The following APOBEC3D variants were observed in gnomAD, a reference collection of about 807,000 sequenced individuals.
APOBEC3D encodes the protein apolipoprotein B mRNA editing enzyme catalytic subunit 3D, also known as DNA dC->dU-editing enzyme APOBEC-3D.
APOBEC3D carries 37 observed loss-of-function variants against 45.6 expected under a neutral mutation model. That is an observed-to-expected ratio of 0.81 (90% CI 0.62 to 1.07). The LOEUF is 1.07. Ranked by LOEUF, APOBEC3D falls within the 50% of genes least tolerant of loss-of-function variation. The pLI, the probability that APOBEC3D is intolerant of heterozygous loss-of-function variation, is 0.00. For missense variants in APOBEC3D, 496 were observed against 495.3 expected, an observed-to-expected ratio of 1.00 and a Z score of -0.01; for synonymous variants, 175 against 180.7, an observed-to-expected ratio of 0.97 and a Z score of 0.25.
rs775781265 is a variant in APOBEC3D, at chr22:39,025,060, C to T, written c.211-10C>T. ...TCCCAGAGCTTCCCCTGCCCCTGCT[C>T]CTCTCCCAGGTGTATTTCCGGTTTG... On this transcript the variant is annotated splice_polypyrimidine_tract_variant and intron_variant, in intron 2 of 6. Transcript: ENST00000216099. 1.1e-5 allele frequency: 17 copies of T among 1,531,520 alleles called. No individual in the cohort carries two copies. The East Asian group carries it at 3.8e-4, about 35-fold the overall frequency. The allele number at this position is 1,531,520 out of a possible 1,614,324, so 94.9% of individuals were successfully genotyped here.
Position 39,022,948 on chromosome 22 carries a change from C to G in APOBEC3D, c.144C>G (p.Leu48=). ...AAATAAAGAGGGGCCGCTCAAATCT[C>G]CTTTGGGACACAGGGGTCTTTCGAG... ...EVKIKRGRSN[L]LWDTGVFRGP... Residue 48 remains leucine (L), a synonymous_variant, in exon 2 of 7, where the codon CTC becomes CTG. Transcript: ENST00000216099. 6.2e-7 allele frequency: 1 copy of G among 1,613,934 alleles called. No homozygotes were observed.
intron 2 of APOBEC3D, among the ~76,000 whole-genome samples, chr22:39,023,273 GC>G (rs1425534519): frequency 6.6e-6 from 1 of 151,662 alleles, no homozygotes; most frequent in Non-Finnish European, 1.5e-5. Context: ...GTGCTACCAC[GC>G]CCGGCTAATT....
In APOBEC3D at chr22:39,025,244, A is replaced by T; in HGVS notation, c.385A>T (p.Thr129Ser). Residue 129 changes from threonine (T) to serine (S), a missense_variant, in exon 3 of 7, where the codon ACC (threonine) becomes TCC (serine). Coordinates refer to ENST00000216099, the MANE Select transcript of APOBEC3D (RefSeq NM_152426.4). ...FLAEHPNVTL[T>S]ISAARLYYYR... ...GGCTGAGCACCCCAATGTCACCCTG[A>T]CCATCTCTGCCGCCCGCCTCTACTA... The T allele has an allele frequency of 6.2e-7, 1 of 1,613,942 alleles. No homozygotes were observed. The highest frequency in any genetic ancestry group is 8.5e-7 in the Non-Finnish European group (1 of 1,179,952).
Position 39,025,093 on chromosome 22 carries a change from C to G in APOBEC3D, c.234C>G (p.His78Gln), listed in dbSNP as rs759168876. ...AGGTGTATTTCCGGTTTGAGAACCA[C>G]GCAGAAATGTGCTTCTTATCTTGGT... The part of the protein sequence containing the change: ...RQEVYFRFEN[H>Q]AEMCFLSWFC... Residue 78 changes from histidine (H) to glutamine (Q), a missense_variant, in exon 3 of 7, where the codon CAC becomes CAG. His to Gln is a conservative substitution (Grantham distance 24). Coordinates refer to ENST00000216099, the MANE Select transcript of APOBEC3D (RefSeq NM_152426.4). The G allele has an allele frequency of 3.8e-6, 6 of 1,581,828 alleles. No individual in the cohort carries two copies. Among genetic ancestry groups the G allele is most frequent in the Non-Finnish European group, 5.2e-6 (6 of 1,160,338 alleles).
In APOBEC3D at chr22:39,028,002, C is replaced by G. The variant is rs369176985; in HGVS notation, c.606-1361C>G. The stretch of plus-strand genomic sequence containing the variant: ...TGAACCAAAGGATGATTGGAGCAAT[C>G]AGGCATTTTATTCTCAGCACTTTGG... On this transcript the variant is annotated intron_variant, in intron 4 of 6. Transcript: ENST00000216099. Among the ~76,000 whole-genome samples the G allele has an allele frequency of 1.4e-4, 22 of 152,308 alleles. No homozygotes were observed. The South Asian group carries it at 3.5e-3, about 24-fold the overall frequency.
At position 39,025,246 on chromosome 22, in the gene APOBEC3D, C is replaced by G; in HGVS notation, c.387C>G (p.Thr129=). 4 of 1,614,100 alleles carry G rather than the reference C, an allele frequency of 2.5e-6. No individual in the cohort carries two copies. The South Asian group carries it at 4.4e-5, about 18-fold the overall frequency. The change falls in exon 3 of 7, where the codon ACC becomes ACG. Residue 129 remains threonine (T), a synonymous_variant. Transcript: ENST00000216099. ...CTGAGCACCCCAATGTCACCCTGAC[C>G]ATCTCTGCCGCCCGCCTCTACTACT... is the stretch of plus-strand genomic sequence containing the variant. ...FLAEHPNVTL[T]ISAARLYYYR...
At chr22:39,022,771 G>A in intron 1 of APOBEC3D, 51 bp from the exon 2 acceptor site, 1 of 1,578,506 alleles carries the variant, frequency 6.3e-7, no homozygotes, top group South Asian at 1.2e-5. Context: ...TGAGCCCCGA[G>A]GACTCCAGGA....
intron 4 of APOBEC3D, 141 bp from the exon 5 acceptor site, chr22:39,029,222 C>T: frequency 1.0e-6 from 1 of 987,670 alleles, no homozygotes; most frequent in Non-Finnish European, 1.5e-6. Flanking sequence ...CCCAGTCTTC[C>T]TGCCTGGGAA....
At chr22:39,030,768 G>A (rs1206268924) in intron 5 of APOBEC3D, among the ~76,000 whole-genome samples, 1 of 152,174 alleles carries the variant, frequency 6.6e-6, no homozygotes, top group East Asian at 1.9e-4. Context: ...AGGGGCTGAG[G>A]ATGCCTGGTT....
chr22:39,029,058 T>C (rs1161940888), intron 4 of APOBEC3D, among the ~76,000 whole-genome samples: 1 of 152,194 alleles, frequency 6.6e-6, no homozygotes, highest in African/African-American at 2.4e-5. Context: ...AGAGTTTTAT[T>C]CTCTGTTGCA....
Position 39,025,263 on chromosome 22 carries a change from TCTA to T in APOBEC3D, c.412_414del (p.Tyr138del). 3.7e-6 allele frequency: 6 copies of T among 1,614,098 alleles called. No individual in the cohort carries two copies. In the South Asian group the frequency reaches 6.6e-5, roughly 18 times the overall value. On this transcript the variant is annotated inframe_deletion, in exon 3 of 7. Transcript: ENST00000216099. ...ACCCTGACCATCTCTGCCGCCCGCC[TCTA>T]CTACTACCGGGATAGAGATTGGCGG...
At chr22:39,029,225 C>CCTGG in intron 4 of APOBEC3D, 138 bp from the exon 5 acceptor site, 1 of 1,004,940 alleles carries the variant, frequency 1.0e-6, no homozygotes, top group African/African-American at 1.6e-5. Context: ...AGTCTTCCTG[C>CCTGG]CTGGGAAAGC....
Position 39,031,942 on chromosome 22 carries a change from A to C in APOBEC3D, c.1011A>C (p.Glu337Asp), listed in dbSNP as rs1601477201. ...AGGGGCTCTGCAGCCTGAGTCAGGA[A>C]GGGGCCTCCGTGAAGATCATGGGCT... ...YQEGLCSLSQ[E>D]GASVKIMGYK... The change falls in exon 6 of 7, where the codon GAA becomes GAC. Residue 337 changes from glutamate (E) to aspartate (D), a missense_variant. Physicochemically the swap from Glu to Asp is conservative, Grantham distance 45. Coordinates refer to ENST00000216099, the MANE Select transcript of APOBEC3D (RefSeq NM_152426.4). The C allele has an allele frequency of 6.2e-7, 1 of 1,614,122 alleles. No homozygotes were observed. Among genetic ancestry groups the C allele is most frequent in the East Asian group, 2.2e-5 (1 of 44,866 alleles).
Position 39,025,210 on chromosome 22 carries a change from CA to C in APOBEC3D, c.354del (p.Lys118AsnfsTer11), listed in dbSNP as rs1569056057. ...GCCTGCCCTGTGTGGTGAAGGTGAC[CA>C]AATTCTTGGCTGAGCACCCCAATGT... ...PCLPCVVKVT[K>X]FLAEHPNVTL... On this transcript the variant is annotated frameshift_variant, in exon 3 of 7. Transcript: ENST00000216099. LOFTEE classifies it high-confidence loss of function. 1 of 1,614,038 alleles carries C rather than the reference CA, an allele frequency of 6.2e-7. No homozygotes were observed. Among genetic ancestry groups the C allele is most frequent in the Non-Finnish European group, 8.5e-7 (1 of 1,179,998 alleles).
At chr22:39,028,984 A>G (rs1925950195) in intron 4 of APOBEC3D, among the ~76,000 whole-genome samples, 1 of 152,184 alleles carries the variant, frequency 6.6e-6, no homozygotes, top group Admixed American at 6.5e-5. Flanking sequence ...CATCATCATC[A>G]TCGGACAGGT....
chr22:39,032,279 G>A lies in APOBEC3D; in HGVS notation c.1124G>A (p.Arg375Gln), dbSNP rs750134681. 30 of 1,614,116 alleles carry A rather than the reference G, an allele frequency of 1.9e-5. No homozygotes were observed. The East Asian group carries it at 4.7e-4, about 25-fold the overall frequency. ...TGGAAGGGACTACAAACCAACTTTC[G>A]ACTTCTGAAAAGAAGGCTACGGGAG... is the stretch of plus-strand genomic sequence containing the variant. ...KPWKGLQTNF[R>Q]LLKRRLREIL... The change falls in exon 7 of 7, where the codon CGA (arginine) becomes CAA (glutamine). Residue 375 changes from arginine (R) to glutamine (Q), a missense_variant. By Grantham distance (43) the Arg-to-Gln change is conservative (BLOSUM62 1). Coordinates refer to ENST00000216099, the MANE Select transcript of APOBEC3D (RefSeq NM_152426.4).
rs59018660 is a variant in APOBEC3D at position 39,032,759 on chromosome 22, A to ATTTTTTTT, written c.*463_*470dup. On this transcript the variant is annotated 3_prime_UTR_variant, in exon 7 of 7. Transcript: ENST00000216099. ...AGATGCCTGCCACCACGCCCAGCTA[A>ATTTTTTTT]TTTTTTTTTTTTTTTTTTTTTTTTT... The ATTTTTTTT allele has an allele frequency of 3.1e-5, 3 of 96,030 alleles. No homozygotes were observed. The highest frequency in any genetic ancestry group is 4.8e-5 in the African/African-American group (1 of 20,752). The allele number at this position is 96,030 out of a possible 1,614,324, so 5.9% of individuals were successfully genotyped here.
At chr22:39,026,260 C>T (rs1329251969) in intron 4 of APOBEC3D, among the ~76,000 whole-genome samples, 1 of 152,172 alleles carries the variant, frequency 6.6e-6, no homozygotes, top group East Asian at 1.9e-4. Context: ...CAGGGGGTCC[C>T]TTCCAGCCCT....
In APOBEC3D at chr22:39,022,893, G is replaced by A. The variant is rs770105306; in HGVS notation, c.89G>A (p.Arg30Gln). The A allele has an allele frequency of 6.4e-5, 103 of 1,613,320 alleles. 1 individual carries two copies. In the South Asian group the frequency reaches 9.8e-4, roughly 15 times the overall value. ...NFENEPILYG[R>Q]SYTWLCYEVK... ...GAAAACGAACCCATCCTCTATGGTC[G>A]GAGCTACACTTGGCTGTGCTATGAA... Residue 30 changes from arginine (R) to glutamine (Q), a missense_variant, in exon 2 of 7, where the codon CGG becomes CAG. Arg to Gln is a conservative substitution (Grantham distance 43, BLOSUM62 1). Coordinates refer to ENST00000216099, the MANE Select transcript of APOBEC3D (RefSeq NM_152426.4).
Sources: allele counts gnomAD v4.1 joint callset (sites outside exome capture counted in the v4.1 genomes callset), GRCh38; gene constraint gnomAD v4.1.1; transcripts MANE v1.5; gene names NCBI Gene and HGNC (gene_info 2026-07-23, HGNC 2026-07-21).